The following MYH2 variants were observed in gnomAD, a reference collection of about 807,000 sequenced individuals.
MYH2 encodes the protein myosin-2.
MYH2 carries 139 observed loss-of-function variants against 228.1 expected under a neutral mutation model. That is an observed-to-expected ratio of 0.61 (90% CI 0.53 to 0.70). MYH2 has a LOEUF of 0.70. Among genes scored for constraint, MYH2 ranks in the 30% least tolerant of loss-of-function variants. MYH2 has a pLI of 0.00. For synonymous variants in MYH2, 796 were observed against 871.1 expected, an observed-to-expected ratio of 0.91 and a Z score of 1.52; for missense variants, 1,809 against 2,357.5, an observed-to-expected ratio of 0.77 and a Z score of 4.82.
chr17:10,544,366 G>A (rs1197774740), intron 5 of MYH2, among the ~76,000 whole-genome samples: 2 of 152,138 alleles, frequency 1.3e-5, no homozygotes, highest in African/African-American at 4.8e-5. Flanking sequence ...TATTTCCTTC[G>A]AGGAAAAAAA....
chr17:10,541,168 G>A (rs2073548873), intron 10 of MYH2, among the ~76,000 whole-genome samples: 1 of 152,198 alleles, frequency 6.6e-6, no homozygotes, highest in African/African-American at 2.4e-5. Flanking sequence ...TAACAGCGGT[G>A]TTCAGGGAAC....
Position 10,547,770 on chromosome 17 carries a change from T to C in MYH2, c.151A>G (p.Thr51Ala), listed in dbSNP as rs190103324. Residue 51 changes from threonine to alanine, a missense_variant, in exon 3 of 40, where the codon ACC becomes GCC. Physicochemically the swap from Thr to Ala is moderately conservative, Grantham distance 58. Coordinates refer to ENST00000245503, the MANE Select transcript of MYH2 (RefSeq NM_017534.6). ...TTTCCTCCTTCTCTGCTCTGGATGGTCCCTTTGACAAAGGATTCTTTGGGC... is the reference window on the plus strand; with the variant it reads ...TTTCCTCCTTCTCTGCTCTGGATGGCCCCTTTGACAAAGGATTCTTTGGGC... ...AEPKESFVKG[T>A]IQSREGGKVT... The C allele has an allele frequency of 3.7e-6, 6 of 1,614,242 alleles. No individual in the cohort carries two copies. Among genetic ancestry groups the C allele is most frequent in the East Asian group, 4.5e-5 (2 of 44,878 alleles).
chr17:10,526,460 C>A, intron 30 of MYH2, 139 bp downstream of exon 30: 12 of 1,381,920 alleles, frequency 8.7e-6, no homozygotes, highest in Non-Finnish European at 1.2e-5. Context: ...ATGTCTTATT[C>A]TCAGGGCCTG....
rs1597452133 is a variant in MYH2 at position 10,531,904 on chromosome 17, T to C, written c.2442-16A>G. On this transcript the variant is annotated splice_polypyrimidine_tract_variant and intron_variant, in intron 21 of 39. Coordinates refer to ENST00000245503, the MANE Select transcript of MYH2 (RefSeq NM_017534.6). ...GATGGCCTCCCTGAAATTTAATTGA[T>C]GCAAATTAGTATTGTGTGGTTGATG... 3 of 1,613,882 alleles carry C rather than the reference T, an allele frequency of 1.9e-6. No individual in the cohort carries two copies. Among genetic ancestry groups the C allele is most frequent in the Non-Finnish European group, 8.5e-7 (1 of 1,179,830 alleles).
chr17:10,525,289 C>T lies in MYH2; in HGVS notation c.4597G>A (p.Glu1533Lys). 1.2e-6 allele frequency: 2 copies of T among 1,614,066 alleles called. No individual in the cohort carries two copies. The highest frequency in any genetic ancestry group is 1.7e-6 in the Non-Finnish European group (2 of 1,179,994). ...AEGGKRIHEL[E>K]KIKKQVEQEK... is the part of the protein sequence containing the mutation. ...TGTTCCACTTGTTTCTTTATTTTCT[C>T]CAGTTCATGGATACGTTTCCCTCCT... Residue 1533 changes from glutamate (E) to lysine (K), a missense_variant, in exon 33 of 40, where the codon GAG (glutamate) becomes AAG (lysine). Physicochemically the swap from Glu to Lys is moderately conservative, Grantham distance 56. Transcript: ENST00000245503. This position sits in a 1 kb window ranked among gnomAD's most constrained non-coding sequence, Gnocchi z 4.2.
In MYH2 at chr17:10,537,836, C is replaced by G. The variant is rs563638689; in HGVS notation, c.1417-1G>C. On this transcript the variant is annotated splice_acceptor_variant, in intron 14 of 39. Coordinates refer to ENST00000245503, the MANE Select transcript of MYH2 (RefSeq NM_017534.6). LOFTEE classifies it high-confidence loss of function. This position sits in a 1 kb window ranked among gnomAD's most constrained non-coding sequence, Gnocchi z 4.0. ...TGCACAGCTGCTCCAGGCTGTTGAA[C>G]TAAATAAATAGATATGTTTACTTCT... 1.5e-5 allele frequency: 25 copies of G among 1,613,984 alleles called. No individual in the cohort carries two copies. Among genetic ancestry groups the G allele is most frequent in the Admixed American group, 3.3e-5 (2 of 59,986 alleles).
At position 10,547,857 on chromosome 17, in the gene MYH2, T is replaced by C; in HGVS notation, c.64A>G (p.Arg22Gly). The C allele has an allele frequency of 1.2e-6, 2 of 1,614,178 alleles. No homozygotes were observed. Among genetic ancestry groups the C allele is most frequent in the Non-Finnish European group, 1.7e-6 (2 of 1,180,030 alleles). ...EAAPFLRKSE[R>G]ERIEAQNRPF... ...CTATTCTGGGCCTCAATGCGCTCCC[T>C]TTCAGACTTTCGGAGGAAAGGAGCA... The change falls in exon 3 of 40, where the codon AGG becomes GGG. Residue 22 changes from arginine to glycine, a missense_variant. By Grantham distance (125) the Arg-to-Gly change is moderately radical. This residue lies in a region of MYH2 where 84 missense variants were observed against 81.8 expected (regional missense o/e 1.03). Coordinates refer to ENST00000245503, the MANE Select transcript of MYH2 (RefSeq NM_017534.6).
At chr17:10,538,362 T>C (rs777580231) in intron 14 of MYH2, among the ~76,000 whole-genome samples, 6 of 151,628 alleles carry the variant, frequency 4.0e-5, no homozygotes, top group Non-Finnish European at 7.4e-5. Flanking sequence ...TATGACAATA[T>C]ACATTTGTAT....
rs774722343 is a variant in MYH2 at position 10,547,556 on chromosome 17, C to T, written c.267G>A (p.Glu89=). The change falls in exon 4 of 40, where the codon GAG becomes GAA. Residue 89 remains glutamate, a synonymous_variant. Coordinates refer to ENST00000245503, the MANE Select transcript of MYH2 (RefSeq NM_017534.6). ...GCAGATGAGTCATCATGGCCATATC[C>T]TCGATCTTGTCATATTTGGGAGGGT... ...PMNPPKYDKI[E]DMAMMTHLHE... The T allele has an allele frequency of 3.7e-6, 6 of 1,614,122 alleles. No individual in the cohort carries two copies. The highest frequency in any genetic ancestry group is 5.1e-6 in the Non-Finnish European group (6 of 1,180,018).
rs767192743 is a variant in MYH2 at position 10,537,673 on chromosome 17, T to C, written c.1579A>G (p.Ile527Val). 1.2e-6 allele frequency: 2 copies of C among 1,613,902 alleles called. No individual in the cohort carries two copies. The highest frequency in any genetic ancestry group is 1.7e-6 in the Non-Finnish European group (2 of 1,179,794). Residue 527 changes from isoleucine (I) to valine (V), a missense_variant, in exon 15 of 40, where the codon ATC becomes GTC. By Grantham distance (29) the Ile-to-Val change is conservative (BLOSUM62 3). This residue lies in a region of MYH2 where 373 missense variants were observed against 620.4 expected (regional missense o/e 0.60). Coordinates refer to ENST00000245503, the MANE Select transcript of MYH2 (RefSeq NM_017534.6). The surrounding 1 kb of genome is among the most constrained non-coding windows in gnomAD (Gnocchi z 4.0). ...AGAAATGCAAAACCAACCTTCTCGA[T>C]GAGCTCGATGCAGGCAGCCAGGTCC... ...GMDLAACIEL[I>V]EKPMGIFSIL...
intron 30 of MYH2, 111 bp downstream of exon 30, chr17:10,526,488 A>C (rs780303856): frequency 6.5e-7 from 1 of 1,536,410 alleles, no homozygotes; most frequent in Non-Finnish European, 9.0e-7. Context: ...CTGGCACATA[A>C]AAGCAGATTA....
chr17:10,543,002 A>T (rs1481623434), intron 9 of MYH2, 29 bp from the exon 10 acceptor site: 3 of 1,595,952 alleles, frequency 1.9e-6, no homozygotes, highest in Non-Finnish European at 1.7e-6. Flanking sequence ...CACATAAGAA[A>T]ATTGTAAAAA....
rs1022070751 is a variant in MYH2, at chr17:10,535,167, G to A, written c.2086C>T (p.Leu696Phe). The A allele has an allele frequency of 9.3e-6, 15 of 1,614,112 alleles. No individual in the cohort carries two copies. Among genetic ancestry groups the A allele is most frequent in the Non-Finnish European group, 1.1e-5 (13 of 1,180,012 alleles). Residue 696 changes from leucine (L) to phenylalanine (F), a missense_variant, in exon 19 of 40, where the codon CTC (leucine) becomes TTC (phenylalanine). Coordinates refer to ENST00000245503, the MANE Select transcript of MYH2 (RefSeq NM_017534.6). ...ACACCGTTACACCTCAGCTGGTGGA[G>A]GACAAGCTCATGCTCCATGGCACCT... ...TPGAMEHELV[L>F]HQLRCNGVLE...
Position 10,525,192 on chromosome 17 carries a change from G to A in MYH2, c.4662+32C>T. 6.2e-7 allele frequency: 1 copy of A among 1,613,900 alleles called. No homozygotes were observed. Among genetic ancestry groups the A allele is most frequent in the Non-Finnish European group, 8.5e-7 (1 of 1,179,986 alleles). Reference sequence around the variant, plus strand: ...TGCAGATGTACCTAATTATTTTCCAGATTTTTTTATAATGCACAATTTTAC... The same window carrying A: ...TGCAGATGTACCTAATTATTTTCCAAATTTTTTTATAATGCACAATTTTAC... On this transcript the variant is annotated intron_variant, in intron 33 of 39. Transcript: ENST00000245503. This position sits in a 1 kb window ranked among gnomAD's most constrained non-coding sequence, Gnocchi z 4.2.
chr17:10,527,919 G>C, intron 27 of MYH2, 45 bp from the exon 28 acceptor site: 1 of 1,596,598 alleles, frequency 6.3e-7, no homozygotes, highest in Non-Finnish European at 8.5e-7. Flanking sequence ...CCTTTTAAGC[G>C]AATAATAATC....
chr17:10,533,579 T>C lies in MYH2; in HGVS notation c.2234A>G (p.Lys745Arg). The C allele has an allele frequency of 6.2e-7, 1 of 1,614,188 alleles. No homozygotes were observed. The highest frequency in any genetic ancestry group is 8.5e-7 in the Non-Finnish European group (1 of 1,179,982). ...AIPEGQFIDS[K>R]KASEKLLASI... ...TGCAAGGAGCTTCTCAGAGGCCTTC[T>C]TGCTATCAATGAATTGCCCTTCAGG... is the stretch of plus-strand genomic sequence containing the variant. The change falls in exon 20 of 40, where the codon AAG (lysine) becomes AGG (arginine). Residue 745 changes from lysine to arginine, a missense_variant. This residue lies in a region of MYH2 where 276 missense variants were observed against 344.2 expected (regional missense o/e 0.80). Transcript: ENST00000245503.
rs756811670 is a variant in MYH2 at position 10,527,798 on chromosome 17, C to T, written c.3821G>A (p.Arg1274Gln). ...ELKSKEEEQQ[R>Q]LINDLTAQRG... The stretch of plus-strand genomic sequence containing the variant: ...CTGCGCAGTCAGGTCATTGATCAGC[C>T]GCTGCTGCTCCTCTTCCTTTGATTT... Residue 1274 changes from arginine (R) to glutamine (Q), a missense_variant, in exon 28 of 40, where the codon CGG becomes CAG. Around this residue, in one of 9 missense-constraint regions of MYH2, gnomAD observed 636 missense variants for 729.9 expected, o/e 0.87. Transcript: ENST00000245503. 1.8e-5 allele frequency: 29 copies of T among 1,614,080 alleles called. No individual in the cohort carries two copies. Among genetic ancestry groups the T allele is most frequent in the Admixed American group, 1.3e-4 (8 of 60,020 alleles).
In MYH2 at chr17:10,523,377, T is replaced by C; in HGVS notation, c.5508A>G (p.Gln1836=). The change falls in exon 38 of 40, where the codon CAA becomes CAG. Residue 1836 remains glutamine (Q), a synonymous_variant. Transcript: ENST00000245503. ...RELEGEVESE[Q]KRNAEAVKGL... ...CTTTGACAGCCTCAGCATTACGCTT[T>C]TGCTCACTCTCAACCTCTCCTTCCA... 6.2e-7 allele frequency: 1 copy of C among 1,614,216 alleles called. No individual in the cohort carries two copies. The highest frequency in any genetic ancestry group is 8.5e-7 in the Non-Finnish European group (1 of 1,180,046).
At chr17:10,530,101 G>C in intron 22 of MYH2, 27 bp from the exon 23 acceptor site, 2 of 1,614,144 alleles carry the variant, frequency 1.2e-6, no homozygotes, top group Non-Finnish European at 1.7e-6. Flanking sequence ...GATCAAAATT[G>C]GGAAGAAAGA....
Sources: allele counts gnomAD v4.1 joint callset (sites outside exome capture counted in the v4.1 genomes callset), GRCh38; gene constraint gnomAD v4.1.1; regional missense constraint gnomAD v4.1.1; non-coding constraint Gnocchi (gnomAD v3.1); transcripts MANE v1.5; gene names NCBI Gene and HGNC (gene_info 2026-07-23, HGNC 2026-07-21).